Variants in CDH13 observed in about 807,000 individuals in gnomAD.
CDH13 encodes the protein cadherin-13.
Under a neutral mutation model 63.8 loss-of-function variants are expected in CDH13, and 24 were observed. That is an observed-to-expected ratio of 0.38 (90% CI 0.27 to 0.53). CDH13 has a LOEUF of 0.53. Among genes scored for constraint, CDH13 ranks in the 20% least tolerant of loss-of-function variants. The pLI, the probability that CDH13 is intolerant of heterozygous loss-of-function variation, is 0.85. For synonymous variants in CDH13, 503 were observed against 355.3 expected (o/e 1.42, Z -4.67); for missense variants, 1,049 against 903.1 (o/e 1.16, Z -2.07).
intron 6 of CDH13, among the ~76,000 whole-genome samples, chr16:83,374,639 G>T (rs551361469): frequency 6.6e-6 from 1 of 152,298 alleles, no homozygotes; most frequent in South Asian, 2.1e-4. Context: ...TTGTTTCGAG[G>T]CGGAAGAAGC....
intron 1 of CDH13, among the ~76,000 whole-genome samples, chr16:82,699,513 A>G (rs1870845): frequency 0.039 from 5,876 of 152,304 alleles, 194 homozygotes; most frequent in African/African-American, 0.08. Flanking sequence ...CTTCATTAAC[A>G]TGGCCACCCT....
At chr16:83,267,673 G>A (rs1371856213) in intron 5 of CDH13, among the ~76,000 whole-genome samples, 1 of 152,164 alleles carries the variant, frequency 6.6e-6, no homozygotes, top group Non-Finnish European at 1.5e-5. Flanking sequence ...CTCATCATAT[G>A]ATGCCTTTCA....
chr16:82,810,919 A>G (rs766092857), intron 1 of CDH13, among the ~76,000 whole-genome samples: 1 of 152,110 alleles, frequency 6.6e-6, no homozygotes, highest in Non-Finnish European at 1.5e-5. Flanking sequence ...GGTCTTTGCA[A>G]TTATTAGTTG....
chr16:82,803,582 A>G lies in CDH13; in HGVS notation c.46-54780A>G, dbSNP rs374145301. Reference sequence around the variant, plus strand: ...GCTCTAAGTCGTTTAGGTGTGCTATAGGATGAAAAGAAGAATAATGAAACT... The same window carrying G: ...GCTCTAAGTCGTTTAGGTGTGCTATGGGATGAAAAGAAGAATAATGAAACT... On this transcript the variant is annotated intron_variant, in intron 1 of 13. Transcript: ENST00000567109. 4.5e-4 allele frequency among the ~76,000 whole-genome samples: 68 copies of G among 152,342 alleles called. 1 individual carries two copies. Among genetic ancestry groups the G allele is most frequent in the South Asian group, 3.9e-3 (19 of 4,826 alleles).
intron 6 of CDH13, among the ~76,000 whole-genome samples, chr16:83,429,531 C>G (rs1004805785): frequency 2.0e-5 from 3 of 152,018 alleles, no homozygotes; most frequent in Non-Finnish European, 2.9e-5. Flanking sequence ...CACACACACA[C>G]ACACTCACAC....
chr16:83,615,263 T>G (rs1013308522), intron 8 of CDH13, among the ~76,000 whole-genome samples: 1 of 152,076 alleles, frequency 6.6e-6, no homozygotes, highest in Non-Finnish European at 1.5e-5. Flanking sequence ...TGCACTTGTG[T>G]CTAAACCCCG....
At chr16:83,717,367 CA>C (rs1372477017) in intron 10 of CDH13, among the ~76,000 whole-genome samples, 4 of 152,180 alleles carry the variant, frequency 2.6e-5, no homozygotes, top group African/African-American at 9.7e-5. Context: ...ATATATTTTC[CA>C]TCTTCTCCCA....
At position 82,693,376 on chromosome 16, in the gene CDH13, T is replaced by C. The variant is rs149732542; in HGVS notation, c.45+66239T>C. Among the ~76,000 whole-genome samples, 886 of 152,336 alleles carry C rather than the reference T, an allele frequency of 5.8e-3. 9 individuals carry two copies. The highest frequency in any genetic ancestry group is 0.02 in the African/African-American group (841 of 41,564). On this transcript the variant is annotated intron_variant, in intron 1 of 13. Transcript: ENST00000567109. ...ATCAAAGGACCTGCTAGCAGAATTC[T>C]TGTACATGAAAACACAGTTGTGCAG...
chr16:83,324,027 AT>A, intron 5 of CDH13, among the ~76,000 whole-genome samples: 1 of 105,644 alleles, frequency 9.5e-6, no homozygotes, highest in East Asian at 2.6e-4. Flanking sequence ...TCACAGGTTT[AT>A]TTCTTCTTCT....
At chr16:82,981,226 A>G (rs1269848619) in intron 2 of CDH13, among the ~76,000 whole-genome samples, 1 of 152,096 alleles carries the variant, frequency 6.6e-6, no homozygotes, top group African/African-American at 2.4e-5. Flanking sequence ...AGCATATCTC[A>G]AAACTAAATT....
rs1407583127 is a variant in CDH13, at chr16:83,447,718, CA to C, written c.782-38758del. 6.0e-5 allele frequency among the ~76,000 whole-genome samples: 9 copies of C among 150,208 alleles called. No individual in the cohort carries two copies. The East Asian group carries it at 1.4e-3, about 23-fold the overall frequency. ...GCTGGAATGTGAAGTTAGAGATAAT[CA>C]TTTTTTTAAATTATATTAAATTATA... On this transcript the variant is annotated intron_variant, in intron 6 of 13. Coordinates refer to ENST00000567109, the MANE Select transcript of CDH13 (RefSeq NM_001257.5).
At chr16:83,483,183 A>G (rs1249327996) in intron 6 of CDH13, among the ~76,000 whole-genome samples, 1 of 152,248 alleles carries the variant, frequency 6.6e-6, no homozygotes, top group Non-Finnish European at 1.5e-5. Context: ...TCAATGCTGC[A>G]AACCTATTTA....
chr16:83,517,298 C>T (rs756498689), intron 7 of CDH13, among the ~76,000 whole-genome samples: 2 of 152,184 alleles, frequency 1.3e-5, no homozygotes, highest in African/African-American at 2.4e-5. Context: ...TTAATCAGGG[C>T]TAGATTAGGT....
intron 7 of CDH13, among the ~76,000 whole-genome samples, chr16:83,498,702 A>T (rs999476116): frequency 2.6e-5 from 4 of 152,206 alleles, no homozygotes; most frequent in African/African-American, 9.7e-5. Flanking sequence ...CCACTATACA[A>T]ATCAATATTA....
chr16:82,751,245 G>A (rs2034402047), intron 1 of CDH13, among the ~76,000 whole-genome samples: 1 of 152,156 alleles, frequency 6.6e-6, no homozygotes, highest in African/African-American at 2.4e-5. Flanking sequence ...AGGGCCCTGT[G>A]CTTAACAGGA....
intron 7 of CDH13, among the ~76,000 whole-genome samples, chr16:83,550,480 A>G (rs2075470006): frequency 6.6e-6 from 1 of 151,850 alleles, no homozygotes; most frequent in Non-Finnish European, 1.5e-5. Context: ...GATGGAGACA[A>G]TTGATTGATA....
intron 8 of CDH13, among the ~76,000 whole-genome samples, chr16:83,635,054 G>A (rs1911131157): frequency 6.6e-6 from 1 of 152,132 alleles, no homozygotes; most frequent in South Asian, 2.1e-4. Context: ...GAGAAATCCA[G>A]TTCTTCCACA....
chr16:83,602,958 G>A (rs1251581157), intron 8 of CDH13, among the ~76,000 whole-genome samples: 2 of 152,208 alleles, frequency 1.3e-5, no homozygotes, highest in Non-Finnish European at 2.9e-5. Context: ...AGCAAGTGCA[G>A]ATTGAGAGGC....
chr16:83,687,069 C>T (rs144902103), intron 10 of CDH13, among the ~76,000 whole-genome samples: 1 of 152,210 alleles, frequency 6.6e-6, no homozygotes, highest in Non-Finnish European at 1.5e-5. Context: ...AAAAGTTAGC[C>T]AGGCATGGTG....
Sources: gnomAD v4.1 joint callset for allele counts (sites outside exome capture counted in the v4.1 genomes callset) on GRCh38, gnomAD v4.1.1 for gene constraint, MANE v1.5 for transcripts, NCBI Gene and HGNC (gene_info 2026-07-23, HGNC 2026-07-21) for gene names.